Variants in LRP1B observed in about 807,000 individuals in gnomAD.
The protein encoded by LRP1B is LDL receptor related protein 1B, also known as low-density lipoprotein receptor-related protein 1B.
In LRP1B, 217 loss-of-function variants were observed where a neutral mutation model predicts 556.6. The ratio of observed to expected loss-of-function variants is 0.39; its 90% CI spans 0.35 to 0.44. LRP1B has a LOEUF of 0.44. LRP1B is among the 20% of genes least tolerant of loss of function. The probability of loss-of-function intolerance (pLI) is 1.00; values close to 1 mark genes in which losing one functional copy is unlikely to be tolerated. For missense variants in LRP1B, 5,053 were observed against 5,620.8 expected (o/e 0.90, Z 3.23); for synonymous variants, 2,047 against 1,865.8 (o/e 1.10, Z -2.50).
At chr2:141,685,413 A>G (rs991725328) in intron 2 of LRP1B, among the ~76,000 whole-genome samples, 48 of 152,170 alleles carry the variant, frequency 3.2e-4, no homozygotes, top group African/African-American at 1.0e-3. Context: ...GATGGTTTTA[A>G]TATATTTTGC....
intron 3 of LRP1B, among the ~76,000 whole-genome samples, chr2:141,458,539 AC>A (rs1681724793): frequency 6.6e-6 from 1 of 152,178 alleles, no homozygotes; most frequent in Admixed American, 6.5e-5. Flanking sequence ...TGAATACGGT[AC>A]CTATCCAAAG....
rs1337208743 is a variant in LRP1B at position 140,958,854 on chromosome 2, T to C, written c.2888-6914A>G. 4.0e-5 allele frequency among the ~76,000 whole-genome samples: 6 copies of C among 151,642 alleles called. No homozygotes were observed. The South Asian group carries it at 1.0e-3, about 26-fold the overall frequency. Reference sequence around the variant, plus strand: ...GAAAAAATAAAAAGTGAGAACATTTTAGAAAATAATTTACCCACCCTCTCA... The same window carrying C: ...GAAAAAATAAAAAGTGAGAACATTTCAGAAAATAATTTACCCACCCTCTCA... On this transcript the variant is annotated intron_variant, in intron 18 of 90. Coordinates refer to ENST00000389484, the MANE Select transcript of LRP1B (RefSeq NM_018557.3).
intron 3 of LRP1B, among the ~76,000 whole-genome samples, chr2:141,303,487 C>G (rs72856405): frequency 2.0e-5 from 3 of 152,118 alleles, no homozygotes; most frequent in Admixed American, 1.3e-4. Flanking sequence ...TACTTTCTGC[C>G]TCCATGAAAT....
At chr2:142,079,988 C>T (rs575674995) in intron 1 of LRP1B, among the ~76,000 whole-genome samples, 82 of 152,106 alleles carry the variant, frequency 5.4e-4, no homozygotes, top group African/African-American at 1.8e-3. Flanking sequence ...CAATTTGATT[C>T]CTTTCCTTCC....
chr2:140,544,335 A>T (rs868373068), intron 43 of LRP1B, among the ~76,000 whole-genome samples: 1 of 151,926 alleles, frequency 6.6e-6, no homozygotes, highest in Non-Finnish European at 1.5e-5. Flanking sequence ...TTAACTTTTA[A>T]GTTCAGGGAT....
chr2:141,944,060 G>A (rs1383288846), intron 1 of LRP1B, among the ~76,000 whole-genome samples: 3 of 152,142 alleles, frequency 2.0e-5, no homozygotes, highest in African/African-American at 7.2e-5. Context: ...TGTTCTCCCA[G>A]TGCGCAGATT....
At position 140,883,819 on chromosome 2, in the gene LRP1B, A is replaced by C; in HGVS notation, c.4167T>G (p.Tyr1389Ter). 6.2e-7 allele frequency: 1 copy of C among 1,612,710 alleles called. No homozygotes were observed. The highest frequency in any genetic ancestry group is 8.5e-7 in the Non-Finnish European group (1 of 1,179,438). The change falls in exon 25 of 91, where the codon TAT (tyrosine) becomes TAG (stop). Residue 1389 changes from tyrosine to a stop codon, truncating the protein, a stop_gained and splice_region_variant. Transcript: ENST00000389484. LOFTEE classifies it high-confidence loss of function. ...HPRAIALDPRYGILFWTDWDA... is the reference protein window; with the variant it reads ...HPRAIALDPR ...CTATAAAAGGCAAACTTCTTTACCCATATCTTGGGTCCAAAGCAATGGCCC... is the reference window on the plus strand; with the variant it reads ...CTATAAAAGGCAAACTTCTTTACCCCTATCTTGGGTCCAAAGCAATGGCCC...
chr2:140,599,458 C>G (rs1272074371), intron 42 of LRP1B, among the ~76,000 whole-genome samples: 1 of 151,960 alleles, frequency 6.6e-6, no homozygotes, highest in Non-Finnish European at 1.5e-5. Flanking sequence ...AGTATCTGTT[C>G]TCTATGGATT....
At position 141,772,844 on chromosome 2, in the gene LRP1B, G is replaced by T. The variant is rs369413187; in HGVS notation, c.205+37435C>A. Among the ~76,000 whole-genome samples, 43 of 152,246 alleles carry T rather than the reference G, an allele frequency of 2.8e-4. 1 individual carries two copies. In the South Asian group the frequency reaches 8.7e-3, roughly 31 times the overall value. On this transcript the variant is annotated intron_variant, in intron 2 of 90. Coordinates refer to ENST00000389484, the MANE Select transcript of LRP1B (RefSeq NM_018557.3). ...TCTGCCCCTGCATGTTCTTAGGCGT[G>T]AAACTTCAAGAAGGCTTCTCAGTTC...
At chr2:141,462,580 T>G (rs952077607) in intron 3 of LRP1B, among the ~76,000 whole-genome samples, 1 of 152,082 alleles carries the variant, frequency 6.6e-6, no homozygotes, top group Non-Finnish European at 1.5e-5. Context: ...TTGATAGACA[T>G]AGCAAACAAC....
chr2:140,768,242 T>G (rs1689183967), intron 35 of LRP1B, among the ~76,000 whole-genome samples: 3 of 151,914 alleles, frequency 2.0e-5, no homozygotes. Context: ...GTCCAGAGTT[T>G]TATTAATACA....
At chr2:140,992,535 C>G (rs1697123636) in intron 16 of LRP1B, 2 of 152,080 alleles carry the variant, frequency 1.3e-5, no homozygotes, top group South Asian at 4.1e-4. Context: ...TCATCACAAC[C>G]ACAAATAGGC....
chr2:140,237,767 A>G (rs540474404), intron 89 of LRP1B, among the ~76,000 whole-genome samples: 2 of 150,978 alleles, frequency 1.3e-5, no homozygotes, highest in South Asian at 4.1e-4. Context: ...ATCTATCTAT[A>G]TATCTATCTA....
At position 140,253,969 on chromosome 2, in the gene LRP1B, G is replaced by C. The variant is rs78138476; in HGVS notation, c.13248-6807C>G. On this transcript the variant is annotated intron_variant, in intron 86 of 90. Transcript: ENST00000389484. ...AATTGGTTTAAAAATACAAAGCCATGGGGGGAAATCTCAATGCTTAGTGCC... is the reference window on the plus strand; with the variant it reads ...AATTGGTTTAAAAATACAAAGCCATCGGGGGAAATCTCAATGCTTAGTGCC... 9.8e-3 allele frequency among the ~76,000 whole-genome samples: 1,487 copies of C among 152,128 alleles called. 61 individuals are homozygous for C. In the East Asian group the frequency reaches 0.13, roughly 14 times the overall value.
chr2:140,277,507 A>T (rs1386552840), intron 84 of LRP1B, among the ~76,000 whole-genome samples: 1 of 151,976 alleles, frequency 6.6e-6, no homozygotes, highest in Admixed American at 6.6e-5. Context: ...GAATCGCTTG[A>T]ACCCAGGAGG....
At chr2:141,611,433 T>C (rs1196393845) in intron 2 of LRP1B, among the ~76,000 whole-genome samples, 2 of 152,158 alleles carry the variant, frequency 1.3e-5, no homozygotes, top group African/African-American at 4.8e-5. Context: ...ACATTTTTTT[T>C]GGAAAGCAGT....
intron 7 of LRP1B, among the ~76,000 whole-genome samples, chr2:141,180,892 C>T (rs1310844142): frequency 6.6e-6 from 1 of 151,788 alleles, no homozygotes; most frequent in Non-Finnish European, 1.5e-5. Context: ...GAAAAGAGAC[C>T]CTTCACTGCC....
Position 140,517,020 on chromosome 2 carries a change from A to C in LRP1B, c.8027-9T>G. The C allele has an allele frequency of 6.4e-7, 1 of 1,558,406 alleles. No homozygotes were observed. The highest frequency in any genetic ancestry group is 8.9e-7 in the Non-Finnish European group (1 of 1,129,778). ...TTTGTGTTTGTTTTGAACTGTGATA[A>C]AATATGGAATGTCAAACAATTTCAT... On this transcript the variant is annotated splice_polypyrimidine_tract_variant and intron_variant, in intron 49 of 90. Transcript: ENST00000389484.
chr2:141,741,263 C>CTTTTTTTTTTTTTTTT (rs11326947), intron 2 of LRP1B, among the ~76,000 whole-genome samples: 3 of 57,988 alleles, frequency 5.2e-5, no homozygotes, highest in Non-Finnish European at 9.8e-5. Flanking sequence ...TACTGATTTC[C>CTTTTTTTTTTTTTTTT]TTTTTTTTTT....
Sources: allele counts gnomAD v4.1 joint callset (sites outside exome capture counted in the v4.1 genomes callset), GRCh38; gene constraint gnomAD v4.1.1; transcripts MANE v1.5; gene names NCBI Gene and HGNC (gene_info 2026-07-23, HGNC 2026-07-21).